ADCY1: variants seen among roughly 807,000 people sequenced by gnomAD.
The protein encoded by ADCY1 is adenylate cyclase type 1.
A neutral mutation model predicts 105.4 loss-of-function variants in ADCY1; 28 were observed. The observed-to-expected ratio is 0.27, with a 90% confidence interval of 0.20 to 0.36. The LOEUF (loss-of-function observed/expected upper bound fraction) is 0.36, where lower values mean the gene tolerates loss of function less well. Among genes scored for constraint, ADCY1 ranks in the 10% least tolerant of loss-of-function variants. The pLI is 1.00. For synonymous variants in ADCY1, 655 were observed against 623.8 expected (o/e 1.05, Z -0.75); for missense variants, 977 against 1,434.2 (o/e 0.68, Z 5.15).
intron 14 of ADCY1, among the ~76,000 whole-genome samples, chr7:45,700,174 G>A (rs1333341724): frequency 6.6e-6 from 1 of 152,100 alleles, no homozygotes; most frequent in African/African-American, 2.4e-5. Flanking sequence ...AACAGTTATG[G>A]GGCTACTCTG....
chr7:45,609,296 A>G (rs977182678), intron 2 of ADCY1, among the ~76,000 whole-genome samples: 2 of 151,844 alleles, frequency 1.3e-5, no homozygotes, highest in African/African-American at 4.8e-5. Context: ...TGCAGGAGGG[A>G]CTCCCAGGGC....
intron 2 of ADCY1, among the ~76,000 whole-genome samples, chr7:45,598,056 A>G (rs560511349): frequency 3.3e-5 from 5 of 152,342 alleles, no homozygotes; most frequent in African/African-American, 7.2e-5. Flanking sequence ...AAGAAGGTCA[A>G]GGTACTAAGA....
chr7:45,621,281 G>A (rs780655318), intron 3 of ADCY1, among the ~76,000 whole-genome samples: 14 of 152,074 alleles, frequency 9.2e-5, no homozygotes, highest in Non-Finnish European at 1.8e-4. Context: ...GCTCAGGCTG[G>A]TCTCGAACTC....
intron 14 of ADCY1, among the ~76,000 whole-genome samples, chr7:45,689,070 G>C (rs995990692): frequency 1.3e-5 from 2 of 150,808 alleles, no homozygotes; most frequent in African/African-American, 4.9e-5. Context: ...GGAAGATCCA[G>C]ATTCCTGAGG....
At chr7:45,597,087 C>T (rs1475665674) in intron 2 of ADCY1, among the ~76,000 whole-genome samples, 1 of 152,186 alleles carries the variant, frequency 6.6e-6, no homozygotes, top group Non-Finnish European at 1.5e-5. Context: ...GTGGACAGGT[C>T]TGCACTTTAT....
intron 1 of ADCY1, among the ~76,000 whole-genome samples, chr7:45,585,994 G>A (rs920557726): frequency 9.2e-5 from 14 of 152,158 alleles, no homozygotes; most frequent in Admixed American, 3.9e-4. Flanking sequence ...GTTGAGACAC[G>A]TGGGGAGCGG....
upstream of ADCY1, chr7:45,574,168 G>A: frequency 1.0e-6 from 1 of 981,716 alleles, no homozygotes; most frequent in Non-Finnish European, 1.2e-6. This position sits in a 1 kb window ranked among gnomAD's most constrained non-coding sequence, Gnocchi z 7.0. Context: ...GGGAAACTGA[G>A]GCTCGGAGGG....
chr7:45,648,305 T>G (rs1562705691), intron 4 of ADCY1, among the ~76,000 whole-genome samples: 1 of 151,832 alleles, frequency 6.6e-6, no homozygotes, highest in African/African-American at 2.4e-5. Flanking sequence ...TTAAGGGAGG[T>G]GCCGTGGGAA....
rs867332473 is a variant in ADCY1 at position 45,583,743 on chromosome 7, C to T, written c.639+8561C>T. On this transcript the variant is annotated intron_variant, in intron 1 of 19. Coordinates refer to ENST00000297323, the MANE Select transcript of ADCY1 (RefSeq NM_021116.4). ...ACAACCTCCGAGTCCCAGGTTCAAG[C>T]GATTCTCCTGCCTCAGCCTCCTGAG... Among the ~76,000 whole-genome samples, 16 of 151,930 alleles carry T rather than the reference C, an allele frequency of 1.1e-4. No homozygotes were observed. The Middle Eastern group carries it at 0.01, about 97-fold the overall frequency.
chr7:45,691,113 T>C (rs1439279838), intron 14 of ADCY1, among the ~76,000 whole-genome samples: 3 of 152,212 alleles, frequency 2.0e-5, no homozygotes, highest in African/African-American at 7.2e-5. Flanking sequence ...TTCTTGGCTT[T>C]GTTGTTCTTT....
intron 1 of ADCY1, among the ~76,000 whole-genome samples, chr7:45,581,973 C>T (rs1584245088): frequency 6.6e-6 from 1 of 152,288 alleles, no homozygotes; most frequent in East Asian, 1.9e-4. Context: ...AGTGCATACT[C>T]ACACATCCAT....
In ADCY1 at chr7:45,574,512, G is replaced by A; in HGVS notation, c.-32G>A. On this transcript the variant is annotated 5_prime_UTR_variant, in exon 1 of 20. Coordinates refer to ENST00000297323, the MANE Select transcript of ADCY1 (RefSeq NM_021116.4). The surrounding 1 kb of genome is among the most constrained non-coding windows in gnomAD (Gnocchi z 7.0). Reference sequence around the variant, plus strand: ...GGCGCCCCGGGCCGGCGAGGGGCGCGCCCGCGGCCGCGGCCGCTGCATGGC... The same window carrying A: ...GGCGCCCCGGGCCGGCGAGGGGCGCACCCGCGGCCGCGGCCGCTGCATGGC... 1 of 973,070 alleles carries A rather than the reference G, an allele frequency of 1.0e-6. No individual in the cohort carries two copies. Among genetic ancestry groups the A allele is most frequent in the Non-Finnish European group, 1.2e-6 (1 of 823,176 alleles). 60.3% of individuals were successfully genotyped at this position (973,070 alleles called of 1,614,324 possible).
Position 45,695,883 on chromosome 7 carries a change from A to G in ADCY1, c.2455-7493A>G, listed in dbSNP as rs137913184. Among the ~76,000 whole-genome samples the G allele has an allele frequency of 1.1e-4, 16 of 152,358 alleles. 1 individual carries two copies. The East Asian group carries it at 3.1e-3, about 29-fold the overall frequency. On this transcript the variant is annotated intron_variant, in intron 14 of 19. Transcript: ENST00000297323. ...AGCACAGTTTTGCTAATCTATGACC[A>G]GCCTGCAGAACTCAGTACTGCTAAT... is the stretch of plus-strand genomic sequence containing the variant.
At chr7:45,677,450 G>A (rs1229756749) in intron 8 of ADCY1, among the ~76,000 whole-genome samples, 1 of 152,140 alleles carries the variant, frequency 6.6e-6, no homozygotes, top group Non-Finnish European at 1.5e-5. Flanking sequence ...TGAGAGACTG[G>A]TGAAGCCACT....
intron 7 of ADCY1, among the ~76,000 whole-genome samples, chr7:45,661,718 G>C (rs922695007): frequency 6.6e-6 from 1 of 152,152 alleles, no homozygotes; most frequent in African/African-American, 2.4e-5. Flanking sequence ...GAAACTGAAC[G>C]GGGTAACAAA....
intron 8 of ADCY1, among the ~76,000 whole-genome samples, chr7:45,665,178 C>A (rs796202095): frequency 2.6e-4 from 39 of 152,306 alleles, no homozygotes; most frequent in African/African-American, 8.7e-4. Context: ...GCCTAAGAAA[C>A]CATTTACTTA....
intron 18 of ADCY1, among the ~76,000 whole-genome samples, chr7:45,709,804 G>A (rs766547997): frequency 1.4e-4 from 21 of 152,204 alleles, no homozygotes; most frequent in East Asian, 1.9e-4. Context: ...CTGTCCTGCC[G>A]AGGACGGGCC....
At chr7:45,582,991 C>T (rs73694810) in intron 1 of ADCY1, among the ~76,000 whole-genome samples, 2,307 of 152,302 alleles carry the variant, frequency 0.015, 65 homozygotes, top group African/African-American at 0.052. Context: ...CTTTAGTGTT[C>T]GCTCTGCCTT....
At chr7:45,661,994 C>A (rs761212465) in intron 7 of ADCY1, 65 bp from the exon 8 acceptor site, 3 of 1,555,302 alleles carry the variant, frequency 1.9e-6, no homozygotes, top group Non-Finnish European at 2.6e-6. Context: ...ATGGCATTCC[C>A]AGTCCGAGAG....
Sources: allele counts gnomAD v4.1 joint callset (sites outside exome capture counted in the v4.1 genomes callset), GRCh38; gene constraint gnomAD v4.1.1; non-coding constraint Gnocchi (gnomAD v3.1); transcripts MANE v1.5; gene names NCBI Gene and HGNC (gene_info 2026-07-23, HGNC 2026-07-21).